COLGALT2: variants seen among roughly 807,000 people sequenced by gnomAD.
COLGALT2 encodes the protein collagen beta(1-O)galactosyltransferase 2.
Under a neutral mutation model 73.4 loss-of-function variants are expected in COLGALT2, and 49 were observed. That is an observed-to-expected ratio of 0.67 (90% CI 0.53 to 0.85). The LOEUF (loss-of-function observed/expected upper bound fraction) is 0.85. Among genes scored for constraint, COLGALT2 ranks in the 40% least tolerant of loss-of-function variants. The pLI, the probability that COLGALT2 is intolerant of heterozygous loss-of-function variation, is 0.00. For synonymous variants in COLGALT2, 295 were observed against 307.6 expected (o/e 0.96, Z 0.43); for missense variants, 722 against 790.2 (o/e 0.91, Z 1.03).
At chr1:183,975,888 A>G (rs1048959708) in intron 2 of COLGALT2, among the ~76,000 whole-genome samples, 3 of 152,226 alleles carry the variant, frequency 2.0e-5, no homozygotes, top group Non-Finnish European at 4.4e-5. Context: ...GCAGTAACCC[A>G]AAACTGGCCA....
chr1:183,975,165 C>T lies in COLGALT2; in HGVS notation c.424G>A (p.Ala142Thr). The change falls in exon 3 of 12, where the codon GCC (alanine) becomes ACC (threonine). Residue 142 changes from alanine to threonine, a missense_variant. Coordinates refer to ENST00000361927, the MANE Select transcript of COLGALT2 (RefSeq NM_015101.4). Reference sequence around the variant, plus strand: ...GCCTGTCGTAGTTTCATCACATGGGCAAACCGGGAGGTTGGCCAGTGCTTT... The same window carrying T: ...GCCTGTCGTAGTTTCATCACATGGGTAAACCGGGAGGTTGGCCAGTGCTTT... ...GPKHWPTSRF[A>T]HVMKLRQAAL... The T allele has an allele frequency of 1.2e-6, 2 of 1,614,118 alleles. No individual in the cohort carries two copies. The highest frequency in any genetic ancestry group is 1.7e-5 in the Admixed American group (1 of 60,024).
chr1:184,037,051 C>T (rs1649704771), intron 1 of COLGALT2, 44 bp downstream of exon 1: 1 of 1,400,908 alleles, frequency 7.1e-7, no homozygotes, highest in Non-Finnish European at 9.2e-7. Context: ...GGGCAGGCCG[C>T]CCCCGCGTCC....
chr1:183,933,811 C>T (rs979995879), downstream of COLGALT2, among the ~76,000 whole-genome samples: 2 of 152,184 alleles, frequency 1.3e-5, no homozygotes, highest in African/African-American at 4.8e-5. Flanking sequence ...TACTAAAGCA[C>T]CTGTTCCAGA....
At chr1:183,932,722 T>C (rs1172021961), downstream of COLGALT2, among the ~76,000 whole-genome samples, 1 of 152,082 alleles carries the variant, frequency 6.6e-6, no homozygotes, top group African/African-American at 2.4e-5. Flanking sequence ...CAGTGGGCAC[T>C]CTCGCTGGAC....
rs1280860693 is a variant in COLGALT2 at position 184,037,219 on chromosome 1, C to T, written c.139G>A (p.Glu47Lys). 1 of 1,601,548 alleles carries T rather than the reference C, an allele frequency of 6.2e-7. No homozygotes were observed. The highest frequency in any genetic ancestry group is 8.5e-7 in the Non-Finnish European group (1 of 1,175,810). ...ACCGTGGGGCTCTGCAGGGGCGACTCCGGGAAAACCACCGGCTCCTCTCCG... is the reference window on the plus strand; with the variant it reads ...ACCGTGGGGCTCTGCAGGGGCGACTTCGGGAAAACCACCGGCTCCTCTCCG... ...DDGEEPVVFP[E>K]SPLQSPTVLV... The change falls in exon 1 of 12, where the codon GAG becomes AAG. Residue 47 changes from glutamate (E) to lysine (K), a missense_variant. By Grantham distance (56) the Glu-to-Lys change is moderately conservative (BLOSUM62 1). Transcript: ENST00000361927.
Position 184,037,191 on chromosome 1 carries a change from A to G in COLGALT2, c.167T>C (p.Leu56Pro), listed in dbSNP as rs981516049. Reference protein sequence around the residue: ...PESPLQSPTVLVAVLARNAAH... With the variant: ...PESPLQSPTVPVAVLARNAAH... Reference sequence around the variant, plus strand: ...CGCGTTGCGGGCGAGGACCGCCACGAGCACCGTGGGGCTCTGCAGGGGCGA... The same window carrying G: ...CGCGTTGCGGGCGAGGACCGCCACGGGCACCGTGGGGCTCTGCAGGGGCGA... The change falls in exon 1 of 12, where the codon CTC becomes CCC. Residue 56 changes from leucine (L) to proline (P), a missense_variant. By Grantham distance (98) the Leu-to-Pro change is moderately conservative (BLOSUM62 -3). Transcript: ENST00000361927. The G allele has an allele frequency of 1.2e-6, 2 of 1,605,194 alleles. No homozygotes were observed. Among genetic ancestry groups the G allele is most frequent in the Non-Finnish European group, 8.5e-7 (1 of 1,177,342 alleles).
At chr1:183,974,235 T>C (rs1558321206) in intron 3 of COLGALT2, among the ~76,000 whole-genome samples, 1 of 152,232 alleles carries the variant, frequency 6.6e-6, no homozygotes. Flanking sequence ...TATCAACCCA[T>C]GCTAACCAGT....
chr1:183,939,795 A>G (rs1255385909), intron 11 of COLGALT2, among the ~76,000 whole-genome samples: 2 of 152,212 alleles, frequency 1.3e-5, no homozygotes, highest in Non-Finnish European at 2.9e-5. Context: ...AGAAGGGGCC[A>G]AGGTTAGAAC....
At chr1:184,013,173 G>T (rs35418511) in intron 1 of COLGALT2, among the ~76,000 whole-genome samples, 4 of 152,098 alleles carry the variant, frequency 2.6e-5, no homozygotes, top group Admixed American at 2.0e-4. Context: ...AAATTAGCTG[G>T]GTGTGGTGGT....
intron 1 of COLGALT2, among the ~76,000 whole-genome samples, chr1:184,015,646 C>T (rs1397849533): frequency 6.6e-6 from 1 of 152,162 alleles, no homozygotes; most frequent in African/African-American, 2.4e-5. Context: ...TTCTGAGATC[C>T]CACGCAACAG....
At chr1:184,017,611 C>T (rs754098003) in intron 1 of COLGALT2, among the ~76,000 whole-genome samples, 1 of 152,164 alleles carries the variant, frequency 6.6e-6, no homozygotes, top group Non-Finnish European at 1.5e-5. Flanking sequence ...CAGTGCCACC[C>T]AAAACAAGAA....
exon 12 of COLGALT2, chr1:183,930,189 A>G (rs1669810082): frequency 2.2e-6 from 1 of 456,122 alleles, no homozygotes; most frequent in Non-Finnish European, 4.4e-6. Flanking sequence ...CACCTCTGCC[A>G]CAGAGGGGTA....
intron 1 of COLGALT2, among the ~76,000 whole-genome samples, chr1:184,018,330 TC>T (rs1413592987): frequency 6.6e-6 from 1 of 152,142 alleles, no homozygotes; most frequent in African/African-American, 2.4e-5. Context: ...TACCACCTCT[TC>T]CCATCTCACT....
Position 183,937,285 on chromosome 1 carries a change from T to G in COLGALT2, c.*1476A>C, listed in dbSNP as rs1572624220. On this transcript the variant is annotated 3_prime_UTR_variant, in exon 12 of 12. Coordinates refer to ENST00000361927, the MANE Select transcript of COLGALT2 (RefSeq NM_015101.4). The stretch of plus-strand genomic sequence containing the variant: ...TGCTGGTATGGGATGCCTGGGAGGG[T>G]TTTTCTGGAGACAAAAATTTACAGA... 1 of 1,115,174 alleles carries G rather than the reference T, an allele frequency of 9.0e-7. No homozygotes were observed. The allele number at this position is 1,115,174 out of a possible 1,614,324, so 69.1% of individuals were successfully genotyped here.
chr1:183,984,596 A>G (rs1467724683), intron 1 of COLGALT2, among the ~76,000 whole-genome samples: 1 of 152,162 alleles, frequency 6.6e-6, no homozygotes, highest in Non-Finnish European at 1.5e-5. Context: ...TTCAGTGCTC[A>G]TGGTTGGCCA....
chr1:183,982,949 C>T (rs1280394153), intron 1 of COLGALT2, among the ~76,000 whole-genome samples: 5 of 152,182 alleles, frequency 3.3e-5, no homozygotes, highest in Non-Finnish European at 5.9e-5. Context: ...TCTTATCGTA[C>T]GAAATGTGTT....
intron 1 of COLGALT2, 120 bp downstream of exon 1, chr1:184,036,975 C>T (rs981006552): frequency 2.3e-6 from 2 of 870,880 alleles, no homozygotes; most frequent in Non-Finnish European, 1.5e-6. Context: ...AGATTTTCCG[C>T]GTGCCCCCCC....
chr1:184,006,774 C>T (rs1672097733), intron 1 of COLGALT2, among the ~76,000 whole-genome samples: 1 of 152,072 alleles, frequency 6.6e-6, no homozygotes, highest in African/African-American at 2.4e-5. Flanking sequence ...ATTGTTTTAA[C>T]ATTGCTAATT....
intron 1 of COLGALT2, among the ~76,000 whole-genome samples, chr1:183,988,621 TTGC>T (rs1671549981): frequency 2.6e-5 from 4 of 152,242 alleles, no homozygotes; most frequent in Admixed American, 2.6e-4. Context: ...TTCTTTCACT[TTGC>T]ATACTGTTTT....
Sources: allele counts gnomAD v4.1 joint callset (sites outside exome capture counted in the v4.1 genomes callset), GRCh38; gene constraint gnomAD v4.1.1; transcripts MANE v1.5; gene names NCBI Gene and HGNC (gene_info 2026-07-23, HGNC 2026-07-21).